Variants in TMEM44 observed in about 807,000 individuals in gnomAD.
TMEM44 encodes the protein transmembrane protein 44.
In TMEM44, 43 loss-of-function variants were observed where a neutral mutation model predicts 47.8. The observed-to-expected ratio is 0.90, with a 90% CI of 0.70 to 1.16. The LOEUF (loss-of-function observed/expected upper bound fraction) is 1.16. Among genes scored for constraint, TMEM44 ranks in the 50% most tolerant of loss-of-function variants. The probability of loss-of-function intolerance (pLI) is 0.00; values close to 1 mark genes in which losing one functional copy is unlikely to be tolerated. For synonymous variants in TMEM44, 277 were observed against 238.8 expected (o/e 1.16, Z -1.48); for missense variants, 568 against 555.2 (o/e 1.02, Z -0.23).
chr3:194,599,559 A>G (rs1311901038), intron 9 of TMEM44, among the ~76,000 whole-genome samples: 1 of 142,114 alleles, frequency 7.0e-6, no homozygotes, highest in African/African-American at 2.6e-5. Context: ...CACTTCGCAA[A>G]TTTTCTTTTC....
chr3:194,633,063 CCCGT>C lies in TMEM44; in HGVS notation c.137+12_137+15del, dbSNP rs2108608958. The C allele has an allele frequency of 6.5e-7, 1 of 1,546,932 alleles. No individual in the cohort carries two copies. The highest frequency in any genetic ancestry group is 8.7e-7 in the Non-Finnish European group (1 of 1,145,794). ...GTTTCCCCGCCCGACAGCCCCCCGA[CCCGT>C]GGCCCCATTACAGCGCGTGGGCGGC... On this transcript the variant is annotated intron_variant, in intron 1 of 9. Transcript: ENST00000347147.
chr3:194,625,734 C>A (rs903844788), intron 3 of TMEM44, among the ~76,000 whole-genome samples, 163 bp downstream of exon 3: 2 of 152,238 alleles, frequency 1.3e-5, no homozygotes, highest in African/African-American at 4.8e-5. Flanking sequence ...CCCACCTCAG[C>A]CTCCCAAAGT....
At chr3:194,621,182 A>T (rs1299700367) in intron 5 of TMEM44, among the ~76,000 whole-genome samples, 1 of 152,160 alleles carries the variant, frequency 6.6e-6, no homozygotes, top group East Asian at 1.9e-4. Flanking sequence ...AGTCGGACAC[A>T]GAAAGGTACG....
chr3:194,616,424 TG>T (rs1034877687), intron 6 of TMEM44: 4 of 374,218 alleles, frequency 1.1e-5, no homozygotes, highest in Non-Finnish European at 1.6e-5. Context: ...TGGATTGGAC[TG>T]GGCCCTAACT....
intron 9 of TMEM44, among the ~76,000 whole-genome samples, chr3:194,601,694 C>T (rs1037192995): frequency 6.6e-5 from 10 of 152,272 alleles, no homozygotes; most frequent in South Asian, 2.1e-4. Context: ...GTGATCCACC[C>T]GCCTCTGCCT....
At chr3:194,614,780 T>C (rs946768802) in intron 7 of TMEM44, among the ~76,000 whole-genome samples, 11 of 152,234 alleles carry the variant, frequency 7.2e-5, no homozygotes, top group Non-Finnish European at 1.5e-4. Context: ...AAGTAAATTA[T>C]TCAAAAGCTT....
intron 9 of TMEM44, among the ~76,000 whole-genome samples, chr3:194,602,864 C>G (rs949746555): frequency 1.3e-5 from 2 of 152,210 alleles, no homozygotes; most frequent in African/African-American, 4.8e-5. Flanking sequence ...TTCAACCAAT[C>G]TAGGGGACTT....
At chr3:194,595,084 A>T (rs1337635892) in intron 9 of TMEM44, among the ~76,000 whole-genome samples, 1 of 152,218 alleles carries the variant, frequency 6.6e-6, no homozygotes, top group Non-Finnish European at 1.5e-5. Context: ...TTCAAAAAAC[A>T]AAGATCTACC....
chr3:194,595,770 C>T (rs748828892), intron 9 of TMEM44, among the ~76,000 whole-genome samples: 36 of 152,134 alleles, frequency 2.4e-4, no homozygotes, highest in African/African-American at 8.2e-4. Context: ...GGATTACAGG[C>T]GTGCGCCACC....
At chr3:194,624,324 C>T (rs931360196) in intron 3 of TMEM44, among the ~76,000 whole-genome samples, 2 of 151,910 alleles carry the variant, frequency 1.3e-5, no homozygotes, top group Non-Finnish European at 2.9e-5. Flanking sequence ...CACTGCCCAG[C>T]TCTCTCCTGA....
At position 194,604,404 on chromosome 3, in the gene TMEM44, C is replaced by T. The variant is rs61739562; in HGVS notation, c.1059G>A (p.Thr353=). The change falls in exon 9 of 10, where the codon ACG becomes ACA. Residue 353 remains threonine (T), a synonymous_variant. Coordinates refer to ENST00000347147, the MANE Select transcript of TMEM44 (RefSeq NM_001011655.3). ...CCTGCAGGGACGCATCTCCGGCGCT[C>T]GTCTGCCCGTCACCTGGCAGCCTGG... ...SATRLPGDGQ[T]SAGDASLQDP... 8.3e-4 allele frequency: 1,277 copies of T among 1,535,586 alleles called. 17 individuals carry two copies. The African/African-American group carries it at 0.011, about 14-fold the overall frequency.
intron 3 of TMEM44, 50 bp downstream of exon 3, chr3:194,625,847 T>A: frequency 6.7e-7 from 1 of 1,493,260 alleles, no homozygotes; most frequent in Non-Finnish European, 9.3e-7. Context: ...TTCGGCGTGC[T>A]GATGAATGAA....
At chr3:194,601,582 C>T (rs113107782) in intron 9 of TMEM44, among the ~76,000 whole-genome samples, 8,640 of 152,104 alleles carry the variant, frequency 0.057, 793 homozygotes, top group African/African-American at 0.2. Flanking sequence ...GGATTACAGG[C>T]GTGAGCCACC....
intron 2 of TMEM44, among the ~76,000 whole-genome samples, chr3:194,627,983 A>G (rs1325099262): frequency 6.6e-6 from 1 of 152,102 alleles, no homozygotes; most frequent in Non-Finnish European, 1.5e-5. Flanking sequence ...TGTCTCAAAA[A>G]ACAAACAAGC....
chr3:194,591,709 G>C (rs999726157), intron 9 of TMEM44, among the ~76,000 whole-genome samples: 11 of 151,606 alleles, frequency 7.3e-5, no homozygotes, highest in African/African-American at 2.7e-4. Context: ...GGGTTCAAGT[G>C]ATTCTCCTGC....
Position 194,597,430 on chromosome 3 carries a change from A to C in TMEM44, c.1176+6857T>G, listed in dbSNP as rs1773173. 2.0e-5 allele frequency: 3 copies of C among 152,158 alleles called. No homozygotes were observed. In the East Asian group the frequency reaches 5.8e-4, roughly 29 times the overall value. The allele number at this position is 152,158 out of a possible 1,614,324, so 9.4% of individuals were successfully genotyped here. ...TCCCAGCACCTTGGGAGGCTGAGGC[A>C]GGTGGATGACCTGAGGTCAGGAGTT... is the stretch of plus-strand genomic sequence containing the variant. On this transcript the variant is annotated intron_variant, in intron 9 of 9. Transcript: ENST00000347147.
chr3:194,606,529 C>T (rs1387665430), intron 8 of TMEM44, among the ~76,000 whole-genome samples: 2 of 152,192 alleles, frequency 1.3e-5, no homozygotes, highest in African/African-American at 4.8e-5. Context: ...CTGAATCGGG[C>T]AGGCTTAGTT....
chr3:194,625,440 G>T (rs1382250675), intron 3 of TMEM44, among the ~76,000 whole-genome samples: 5 of 130,642 alleles, frequency 3.8e-5, no homozygotes, highest in Non-Finnish European at 6.6e-5. Context: ...TGGGGGGGGG[G>T]GGTTGTTTTT....
intron 1 of TMEM44, 183 bp downstream of exon 1, chr3:194,632,896 G>C (rs1717966117): frequency 9.5e-7 from 1 of 1,056,266 alleles, no homozygotes. Context: ...CAGCTTCCCT[G>C]TGCGTGGGAT....
Sources: gnomAD v4.1 joint callset for allele counts (sites outside exome capture counted in the v4.1 genomes callset) on GRCh38, gnomAD v4.1.1 for gene constraint, MANE v1.5 for transcripts, NCBI Gene and HGNC (gene_info 2026-07-23, HGNC 2026-07-21) for gene names.